ENTREP2: variants seen among roughly 807,000 people sequenced by gnomAD.
The protein encoded by ENTREP2 is protein ENTREP2.
the ENTREP2 span, among the ~76,000 whole-genome samples, chr15:29,620,908 C>G: frequency 6.6e-6 from 1 of 152,072 alleles, no homozygotes; most frequent in Non-Finnish European, 1.5e-5. Context: ...TTGTTAGAAG[C>G]TGAGAATAAA....
the ENTREP2 span, among the ~76,000 whole-genome samples, chr15:29,439,231 C>T: frequency 6.7e-6 from 1 of 148,558 alleles, no homozygotes; most frequent in African/African-American, 2.5e-5. Context: ...GCAGGGAAAG[C>T]ATCAGAATGT....
the ENTREP2 span, among the ~76,000 whole-genome samples, chr15:29,530,381 T>C: frequency 6.6e-6 from 1 of 152,190 alleles, no homozygotes; most frequent in Non-Finnish European, 1.5e-5. Flanking sequence ...TGTTAACCTT[T>C]ACGTGTTAAT....
the ENTREP2 span, among the ~76,000 whole-genome samples, chr15:29,576,486 G>A: frequency 2.0e-5 from 3 of 152,308 alleles, no homozygotes; most frequent in Middle Eastern, 3.4e-3. Context: ...CTTCATCAAA[G>A]TTAAACACTT....
chr15:29,548,335 T>C, the ENTREP2 span, among the ~76,000 whole-genome samples: 4 of 151,750 alleles, frequency 2.6e-5, no homozygotes, highest in Non-Finnish European at 5.9e-5. Flanking sequence ...TGCATGCCTG[T>C]AATCCTAGCT....
At chr15:29,404,145 G>C in the ENTREP2 span, among the ~76,000 whole-genome samples, 2 of 152,038 alleles carry the variant, frequency 1.3e-5, no homozygotes, top group South Asian at 4.1e-4. Flanking sequence ...ATTCCTGCAA[G>C]GGCACAGGAG....
chr15:29,657,119 C>G, the ENTREP2 span, among the ~76,000 whole-genome samples: 1 of 152,144 alleles, frequency 6.6e-6, no homozygotes, highest in Non-Finnish European at 1.5e-5. Context: ...GCGGTCTTGG[C>G]TCACTGCAAG....
the ENTREP2 span, among the ~76,000 whole-genome samples, chr15:29,279,043 A>G: frequency 1.3e-5 from 2 of 152,234 alleles, no homozygotes; most frequent in Non-Finnish European, 2.9e-5. Flanking sequence ...TTTGTTGACT[A>G]TAAGGATACC....
chr15:29,669,757 G>A, the ENTREP2 span, among the ~76,000 whole-genome samples: 3 of 152,312 alleles, frequency 2.0e-5, no homozygotes, highest in East Asian at 1.9e-4. Context: ...AAGGAACCTG[G>A]AGAGAGGTGA....
the ENTREP2 span, among the ~76,000 whole-genome samples, chr15:29,542,540 G>A: frequency 4.0e-5 from 6 of 151,620 alleles, no homozygotes; most frequent in African/African-American, 7.3e-5. Flanking sequence ...TCCTGACCTC[G>A]TGATCCGCCC....
the ENTREP2 span, among the ~76,000 whole-genome samples, chr15:29,672,767 T>G: frequency 1.3e-5 from 2 of 151,810 alleles, no homozygotes; most frequent in East Asian, 1.9e-4. Context: ...TTTGGTGGGT[T>G]GGGGGGGTTG....
chr15:29,243,095 C>G, the ENTREP2 span, among the ~76,000 whole-genome samples: 1 of 152,172 alleles, frequency 6.6e-6, no homozygotes, highest in Non-Finnish European at 1.5e-5. Flanking sequence ...GTGGGAAGCA[C>G]GTGGCTGAGT....
At chr15:29,142,804 G>A in the ENTREP2 span, among the ~76,000 whole-genome samples, 2 of 152,124 alleles carry the variant, frequency 1.3e-5, no homozygotes, top group African/African-American at 2.4e-5. Context: ...AGCAGCTGGC[G>A]AGGAAGTAAG....
the ENTREP2 span, chr15:29,151,838 G>T: frequency 1.9e-6 from 3 of 1,550,580 alleles, no homozygotes; most frequent in African/African-American, 1.4e-5. Flanking sequence ...CTGAAGAGGA[G>T]ATCCTGCGAG....
chr15:29,454,130 A>T, the ENTREP2 span, among the ~76,000 whole-genome samples: 1 of 152,150 alleles, frequency 6.6e-6, no homozygotes, highest in Non-Finnish European at 1.5e-5. Flanking sequence ...TAATTATGAG[A>T]CTGCACCAGT....
chr15:29,238,638 A>G, the ENTREP2 span, among the ~76,000 whole-genome samples: 1 of 148,452 alleles, frequency 6.7e-6, no homozygotes, highest in Non-Finnish European at 1.5e-5. Context: ...CCATCTCAGA[A>G]AAAAAAAAAG....
chr15:29,532,651 A>G, the ENTREP2 span, among the ~76,000 whole-genome samples: 1 of 152,314 alleles, frequency 6.6e-6, no homozygotes, highest in South Asian at 2.1e-4. Context: ...AATTAGCTAA[A>G]CCAATGCTTA....
At chr15:29,220,235 C>G in the ENTREP2 span, among the ~76,000 whole-genome samples, 1 of 152,016 alleles carries the variant, frequency 6.6e-6, no homozygotes, top group Non-Finnish European at 1.5e-5. Flanking sequence ...AGGGACTTGG[C>G]CTACGCAAAG....
the ENTREP2 span, among the ~76,000 whole-genome samples, chr15:29,580,462 T>C: frequency 2.0e-5 from 3 of 152,362 alleles, no homozygotes; most frequent in South Asian, 6.2e-4. Flanking sequence ...TTTTCTATTA[T>C]TGTGTCAGTA....
At chr15:29,293,545 C>G in the ENTREP2 span, among the ~76,000 whole-genome samples, 1 of 152,130 alleles carries the variant, frequency 6.6e-6, no homozygotes, top group Non-Finnish European at 1.5e-5. Flanking sequence ...CATGAGCCAC[C>G]GCGCCCGGCC....
Sources: gnomAD v4.1 joint callset for allele counts (sites outside exome capture counted in the v4.1 genomes callset) on GRCh38, gnomAD v4.1.1 for gene constraint, MANE v1.5 for transcripts, NCBI Gene and HGNC (gene_info 2026-07-23, HGNC 2026-07-21) for gene names.